Variants in ARB2A observed in about 807,000 individuals in gnomAD.
ARB2A encodes the protein cotranscriptional regulator ARB2A.
chr5:93,920,837 T>C, the ARB2A span, among the ~76,000 whole-genome samples: 2 of 152,142 alleles, frequency 1.3e-5, no homozygotes, highest in Non-Finnish European at 2.9e-5. Context: ...TCAAGTGTTG[T>C]GAATGTCCCC....
chr5:93,850,408 A>T, the ARB2A span, among the ~76,000 whole-genome samples: 1 of 152,194 alleles, frequency 6.6e-6, no homozygotes, highest in Non-Finnish European at 1.5e-5. Flanking sequence ...AGACGTAGGT[A>T]GGTGTGCAGG....
the ARB2A span, among the ~76,000 whole-genome samples, chr5:93,943,307 C>A: frequency 3.9e-5 from 6 of 152,054 alleles, no homozygotes; most frequent in East Asian, 1.2e-3. Flanking sequence ...AAAATGGTAG[C>A]TTGTTTTAAT....
the ARB2A span, chr5:93,741,252 G>A: frequency 6.2e-7 from 1 of 1,613,918 alleles, no homozygotes; most frequent in Non-Finnish European, 8.5e-7. Flanking sequence ...GCAGGGCAAT[G>A]TAGGGCCCCG....
chr5:93,798,902 G>A, the ARB2A span, among the ~76,000 whole-genome samples: 1 of 152,132 alleles, frequency 6.6e-6, no homozygotes, highest in African/African-American at 2.4e-5. Context: ...GGGTTGACAG[G>A]CCACCAAGGT....
the ARB2A span, among the ~76,000 whole-genome samples, chr5:93,707,735 T>C: frequency 6.6e-6 from 1 of 152,038 alleles, no homozygotes; most frequent in East Asian, 1.9e-4. Context: ...CCCCCACGCC[T>C]GGCTAATTTT....
At chr5:93,979,065 C>T in the ARB2A span, among the ~76,000 whole-genome samples, 12 of 152,232 alleles carry the variant, frequency 7.9e-5, no homozygotes, top group Middle Eastern at 3.4e-3. Context: ...CCCACATACC[C>T]TGTCTTCATC....
At chr5:93,640,304 C>G in the ARB2A span, among the ~76,000 whole-genome samples, 1 of 151,574 alleles carries the variant, frequency 6.6e-6, no homozygotes, top group Non-Finnish European at 1.5e-5. Context: ...CAAAAAGTAG[C>G]TGGGCATAGT....
the ARB2A span, among the ~76,000 whole-genome samples, chr5:94,007,616 T>G: frequency 6.6e-6 from 1 of 151,810 alleles, no homozygotes; most frequent in African/African-American, 2.4e-5. Flanking sequence ...CTATTAAAAA[T>G]ACAAAAAAAT....
chr5:93,635,467 T>G, the ARB2A span, among the ~76,000 whole-genome samples: 1 of 150,532 alleles, frequency 6.6e-6, no homozygotes, highest in Admixed American at 6.6e-5. Context: ...AAGTTTTTTT[T>G]TTTTTTTTTT....
chr5:93,851,173 G>C, the ARB2A span, among the ~76,000 whole-genome samples: 1 of 152,268 alleles, frequency 6.6e-6, no homozygotes, highest in African/African-American at 2.4e-5. Context: ...ATTAAAACGA[G>C]TGAAAATGCT....
At chr5:93,850,196 C>T in the ARB2A span, among the ~76,000 whole-genome samples, 1 of 152,082 alleles carries the variant, frequency 6.6e-6, no homozygotes, top group Non-Finnish European at 1.5e-5. Flanking sequence ...ACGTATATGT[C>T]CAAGAAAGTC....
chr5:93,634,348 C>G, the ARB2A span, among the ~76,000 whole-genome samples: 1 of 151,090 alleles, frequency 6.6e-6, no homozygotes, highest in Non-Finnish European at 1.5e-5. Flanking sequence ...TGCAGTGAGC[C>G]GAGATCGCGC....
the ARB2A span, among the ~76,000 whole-genome samples, chr5:93,948,627 G>A: frequency 1.0e-3 from 153 of 152,148 alleles, no homozygotes; most frequent in Non-Finnish European, 1.6e-3. Flanking sequence ...TTCTTCTAGG[G>A]TTTTTATGGT....
chr5:93,953,417 G>C, the ARB2A span, among the ~76,000 whole-genome samples: 1 of 152,162 alleles, frequency 6.6e-6, no homozygotes, highest in Non-Finnish European at 1.5e-5. Flanking sequence ...CATACTGGTA[G>C]AGGTACTGCC....
At chr5:93,930,020 A>G in the ARB2A span, among the ~76,000 whole-genome samples, 2 of 151,946 alleles carry the variant, frequency 1.3e-5, no homozygotes, top group Admixed American at 1.3e-4. Context: ...CTACATTCAA[A>G]TTGATTTTGG....
the ARB2A span, among the ~76,000 whole-genome samples, chr5:94,001,941 T>A: frequency 1.3e-5 from 2 of 151,978 alleles, no homozygotes; most frequent in African/African-American, 2.4e-5. Flanking sequence ...GATGGCAAAG[T>A]GTGCTGGGAG....
chr5:93,744,384 G>A, the ARB2A span, among the ~76,000 whole-genome samples: 17 of 131,862 alleles, frequency 1.3e-4, no homozygotes, highest in African/African-American at 3.9e-4. Flanking sequence ...GCAGTGTGCC[G>A]AGATCGCGCC....
chr5:93,634,276 C>T, the ARB2A span, among the ~76,000 whole-genome samples: 2,559 of 151,526 alleles, frequency 0.017, 85 homozygotes, highest in African/African-American at 0.059. Context: ...GGTGCGGGCC[C>T]GTAGTCCCAG....
the ARB2A span, among the ~76,000 whole-genome samples, chr5:93,706,257 C>T: frequency 6.6e-6 from 1 of 152,150 alleles, no homozygotes; most frequent in Non-Finnish European, 1.5e-5. Context: ...ATGGTTCAGT[C>T]TTGAGAAGCT....
Sources: gnomAD v4.1 joint callset for allele counts (sites outside exome capture counted in the v4.1 genomes callset) on GRCh38, gnomAD v4.1.1 for gene constraint, MANE v1.5 for transcripts, NCBI Gene and HGNC (gene_info 2026-07-23, HGNC 2026-07-21) for gene names.